The following DHX29 variants were observed in gnomAD, a reference collection of about 807,000 sequenced individuals.
The protein encoded by DHX29 is DExH-box helicase 29, also known as ATP-dependent RNA helicase DHX29.
In DHX29, 79 loss-of-function variants were observed where a neutral mutation model predicts 167.9. The ratio of observed to expected loss-of-function variants is 0.47; its 90% CI spans 0.39 to 0.57. The LOEUF is 0.57. DHX29 is among the 20% of genes least tolerant of loss of function. DHX29 has a pLI of 0.00. For missense variants in DHX29, 1,347 were observed against 1,593.4 expected (o/e 0.85, Z 2.63); for synonymous variants, 530 against 546.0 (o/e 0.97, Z 0.41).
At chr5:55,276,628 T>C (rs1036836418) in intron 13 of DHX29, among the ~76,000 whole-genome samples, 5 of 152,166 alleles carry the variant, frequency 3.3e-5, no homozygotes, top group South Asian at 2.1e-4. Context: ...TATTTATATA[T>C]ACACATATAA....
intron 6 of DHX29, among the ~76,000 whole-genome samples, chr5:55,291,569 G>T (rs1748046526): frequency 6.6e-6 from 1 of 152,104 alleles, no homozygotes; most frequent in African/African-American, 2.4e-5. Flanking sequence ...GTACAGTTCA[G>T]TGGTATTAAA....
At chr5:55,285,149 A>G (rs529727993) in intron 10 of DHX29, 144 bp downstream of exon 10, 1 of 1,235,680 alleles carries the variant, frequency 8.1e-7, no homozygotes, top group South Asian at 1.8e-5. Context: ...ACGAAAGATC[A>G]AACTATGTTT....
chr5:55,274,769 A>T, intron 15 of DHX29, 38 bp from the exon 16 acceptor site: 1 of 1,566,856 alleles, frequency 6.4e-7, no homozygotes, highest in Non-Finnish European at 8.6e-7. Context: ...CAAAATAAGA[A>T]GATAAGGAAC....
chr5:55,301,713 C>CAAAAAAAAAAAA (rs70992777), intron 1 of DHX29, among the ~76,000 whole-genome samples: 4 of 64,742 alleles, frequency 6.2e-5, no homozygotes, highest in Admixed American at 1.9e-4. Context: ...AACTCCATCT[C>CAAAAAAAAAAAA]AAAAAAAAAA....
intron 1 of DHX29, among the ~76,000 whole-genome samples, chr5:55,301,968 T>C (rs1471091): frequency 0.13 from 19,424 of 152,130 alleles, 1,450 homozygotes; most frequent in East Asian, 0.26. Context: ...TGAAATTAAC[T>C]TGTACATCTG....
At chr5:55,264,667 A>C (rs1287309748) in intron 23 of DHX29, among the ~76,000 whole-genome samples, 1 of 152,224 alleles carries the variant, frequency 6.6e-6, no homozygotes, top group Non-Finnish European at 1.5e-5. Flanking sequence ...GAGTATTAAA[A>C]AATTAACATC....
chr5:55,306,241 A>G (rs1748852363), intron 1 of DHX29, among the ~76,000 whole-genome samples: 1 of 152,106 alleles, frequency 6.6e-6, no homozygotes, highest in African/African-American at 2.4e-5. Flanking sequence ...ATCTCATTTC[A>G]TCCTTTGGCG....
At chr5:55,307,060 C>T (rs1023494376) in intron 1 of DHX29, among the ~76,000 whole-genome samples, 1 of 152,152 alleles carries the variant, frequency 6.6e-6, no homozygotes, top group Non-Finnish European at 1.5e-5. Flanking sequence ...CTCGTCTTTG[C>T]GTTAGCCTAG....
chr5:55,263,404 T>C (rs968385950), intron 23 of DHX29, among the ~76,000 whole-genome samples: 17 of 152,208 alleles, frequency 1.1e-4, no homozygotes, highest in African/African-American at 4.1e-4. Flanking sequence ...CTTCATTTAA[T>C]CTAAAATTGT....
At chr5:55,295,235 G>T in intron 5 of DHX29, 144 bp downstream of exon 5, 1 of 650,436 alleles carries the variant, frequency 1.5e-6, no homozygotes. Context: ...ACTAAAACAA[G>T]CAATGATAGA....
chr5:55,259,213 C>T (rs916517444), intron 26 of DHX29, among the ~76,000 whole-genome samples: 1 of 152,016 alleles, frequency 6.6e-6, no homozygotes. Flanking sequence ...ACAAAGTTTA[C>T]TATGCTCAGT....
chr5:55,268,264 G>A (rs983473060), intron 21 of DHX29, among the ~76,000 whole-genome samples: 3 of 152,062 alleles, frequency 2.0e-5, no homozygotes, highest in South Asian at 2.1e-4. Flanking sequence ...AAATAATTTG[G>A]ACTACATAAC....
rs1288477707 is a variant in DHX29, at chr5:55,262,949, T to C, written c.3526-17A>G. 2 of 1,564,648 alleles carry C rather than the reference T, an allele frequency of 1.3e-6. No homozygotes were observed. Among genetic ancestry groups the C allele is most frequent in the Admixed American group, 3.5e-5 (2 of 57,100 alleles). Reference sequence around the variant, plus strand: ...CTTTACATCCTAGATTGGTTTATGTTAAAAACACAAATAATCAAATTGATT... The same window carrying C: ...CTTTACATCCTAGATTGGTTTATGTCAAAAACACAAATAATCAAATTGATT... On this transcript the variant is annotated splice_polypyrimidine_tract_variant and intron_variant, in intron 23 of 26. Transcript: ENST00000251636.
intron 4 of DHX29, among the ~76,000 whole-genome samples, chr5:55,295,902 G>A (rs950663652): frequency 2.6e-5 from 4 of 152,088 alleles, no homozygotes; most frequent in Non-Finnish European, 5.9e-5. Flanking sequence ...ATGATCCTCT[G>A]CTTAATAAAA....
chr5:55,267,043 C>G, intron 23 of DHX29, 95 bp downstream of exon 23: 1 of 738,710 alleles, frequency 1.4e-6, no homozygotes, highest in South Asian at 2.1e-5. Flanking sequence ...TAAGCCCTTA[C>G]TATGTGACAA....
intron 23 of DHX29, among the ~76,000 whole-genome samples, chr5:55,266,512 T>C (rs1368244525): frequency 6.6e-6 from 1 of 151,678 alleles, no homozygotes; most frequent in Non-Finnish European, 1.5e-5. Flanking sequence ...TTTCTCCATG[T>C]TGGTCAGGCT....
At chr5:55,304,099 C>T (rs985702234) in intron 1 of DHX29, among the ~76,000 whole-genome samples, 3 of 151,864 alleles carry the variant, frequency 2.0e-5, no homozygotes, top group African/African-American at 7.3e-5. Context: ...AAGGAAGTGG[C>T]ACTTCTAAAG....
intron 12 of DHX29, chr5:55,279,738 G>GTTTT: frequency 1.8e-5 from 2 of 110,628 alleles, no homozygotes; most frequent in Non-Finnish European, 3.6e-5. Flanking sequence ...TGCTGTTTTT[G>GTTTT]TTTTTTTTTT....
intron 13 of DHX29, 41 bp from the exon 14 acceptor site, chr5:55,276,447 G>A (rs779577728): frequency 7.4e-6 from 11 of 1,485,754 alleles, no homozygotes; most frequent in African/African-American, 2.9e-5. Context: ...ATTCAAATTC[G>A]TTTCAGTAAA....
Sources: allele counts gnomAD v4.1 joint callset (sites outside exome capture counted in the v4.1 genomes callset), GRCh38; gene constraint gnomAD v4.1.1; transcripts MANE v1.5; gene names NCBI Gene and HGNC (gene_info 2026-07-23, HGNC 2026-07-21).